Variants in DENND2B observed in about 807,000 individuals in gnomAD.
DENND2B encodes DENN domain-containing protein 2B.
Under a neutral mutation model 116.0 loss-of-function variants are expected in DENND2B, and 32 were observed. The ratio of observed to expected loss-of-function variants is 0.28; its 90% CI spans 0.21 to 0.37. DENND2B has a LOEUF of 0.37. DENND2B is among the 10% of genes least tolerant of loss of function. The pLI, the probability that DENND2B is intolerant of heterozygous loss-of-function variation, is 1.00. For missense variants in DENND2B, 1,276 were observed against 1,477.7 expected (o/e 0.86, Z 2.24); for synonymous variants, 588 against 583.9 (o/e 1.01, Z -0.10).
At chr11:8,743,707 A>G (rs1694076124) in intron 2 of DENND2B, among the ~76,000 whole-genome samples, 1 of 151,840 alleles carries the variant, frequency 6.6e-6, no homozygotes, top group Non-Finnish European at 1.5e-5. Context: ...TCCCATAGCA[A>G]TCTCCCAAGA....
intron 4 of DENND2B, among the ~76,000 whole-genome samples, chr11:8,724,501 C>G (rs917286655): frequency 6.6e-6 from 1 of 152,334 alleles, no homozygotes; most frequent in South Asian, 2.1e-4. Flanking sequence ...GACACGCACA[C>G]TTCACTTGGG....
chr11:8,718,103 C>G lies in DENND2B; in HGVS notation c.1478-211G>C, dbSNP rs190607764. On this transcript the variant is annotated intron_variant, in intron 4 of 19. Transcript: ENST00000313726. ...AAGTCCAGAAGCAGACCCACCCCCCCACCCCCCCCAACCCCCCACCCCCAG... is the reference window on the plus strand; with the variant it reads ...AAGTCCAGAAGCAGACCCACCCCCCGACCCCCCCCAACCCCCCACCCCCAG... The G allele has an allele frequency of 3.2e-4, 84 of 266,126 alleles. 15 individuals carry two copies. The East Asian group carries it at 8.5e-3, about 27-fold the overall frequency. The allele number at this position is 266,126 out of a possible 1,614,324, so 16.5% of individuals were successfully genotyped here.
At chr11:8,835,350 C>T (rs1442703426) in intron 4 of DENND2B, among the ~76,000 whole-genome samples, 1 of 152,202 alleles carries the variant, frequency 6.6e-6, no homozygotes, top group Non-Finnish European at 1.5e-5. Flanking sequence ...TAAAAGCATT[C>T]TCAAGAACAA....
intron 2 of DENND2B, among the ~76,000 whole-genome samples, chr11:8,744,924 ATTTT>A (rs34208987): frequency 6.9e-6 from 1 of 145,684 alleles, no homozygotes; most frequent in Non-Finnish European, 1.5e-5. Flanking sequence ...TCCAGACCTG[ATTTT>A]TTTTTTTTTT....
intron 2 of DENND2B, among the ~76,000 whole-genome samples, chr11:8,869,174 G>T (rs2063687984): frequency 6.6e-6 from 1 of 152,130 alleles, no homozygotes; most frequent in African/African-American, 2.4e-5. Flanking sequence ...ACAAACTCAA[G>T]ACCAAGGATT....
rs80340218 is a variant in DENND2B at position 8,707,729 on chromosome 11, G to A, written c.2430+48C>T. On this transcript the variant is annotated intron_variant, in intron 12 of 19. Coordinates refer to ENST00000313726, the MANE Select transcript of DENND2B (RefSeq NM_213618.2). This position sits in a 1 kb window ranked among gnomAD's most constrained non-coding sequence, Gnocchi z 4.8. ...AAGCTGGCTGCAGATACTCCTGTGGGAGCTGTCAGCTGGGGGACGGGGAGG... is the reference window on the plus strand; with the variant it reads ...AAGCTGGCTGCAGATACTCCTGTGGAAGCTGTCAGCTGGGGGACGGGGAGG... 36,972 of 1,556,188 alleles carry A rather than the reference G, an allele frequency of 0.024. 605 individuals are homozygous for A. Among genetic ancestry groups the A allele is most frequent in the Middle Eastern group, 0.055 (312 of 5,702 alleles).
chr11:8,696,771 TAC>T, intron 17 of DENND2B, 105 bp from the exon 18 acceptor site: 1 of 1,503,176 alleles, frequency 6.7e-7, no homozygotes, highest in East Asian at 2.3e-5. Context: ...TTCCAGCCAG[TAC>T]CACTCTTCTG....
chr11:8,860,961 G>C (rs1256203019), intron 2 of DENND2B, among the ~76,000 whole-genome samples: 1 of 152,144 alleles, frequency 6.6e-6, no homozygotes, highest in Non-Finnish European at 1.5e-5. Flanking sequence ...AATAAATGGT[G>C]CTGGGAAAAC....
intron 19 of DENND2B, among the ~76,000 whole-genome samples, chr11:8,694,887 T>C (rs1005303009): frequency 2.0e-5 from 3 of 152,052 alleles, no homozygotes; most frequent in Admixed American, 2.0e-4. Flanking sequence ...TAGCAAGACA[T>C]CATCTCTACA....
chr11:8,698,403 C>T (rs994642944), intron 16 of DENND2B, among the ~76,000 whole-genome samples: 6 of 152,132 alleles, frequency 3.9e-5, no homozygotes, highest in African/African-American at 1.4e-4. Context: ...TCCTCAGCTC[C>T]GTCATTGGTG....
intron 2 of DENND2B, among the ~76,000 whole-genome samples, chr11:8,744,436 C>T (rs944996006): frequency 2.0e-5 from 3 of 152,028 alleles, no homozygotes; most frequent in African/African-American, 7.2e-5. Context: ...ACCCAGCCAA[C>T]CCATGAAGTT....
intron 5 of DENND2B, 83 bp from the exon 6 acceptor site, chr11:8,715,901 G>A: frequency 7.5e-7 from 1 of 1,330,106 alleles, no homozygotes; most frequent in Non-Finnish European, 1.0e-6. Context: ...GGGACACAGA[G>A]GCCAAGGGCC....
chr11:8,808,357 G>C (rs963716513), intron 1 of DENND2B: 1 of 152,192 alleles, frequency 6.6e-6, no homozygotes, highest in Non-Finnish European at 1.5e-5. Context: ...GTGGGACACA[G>C]GAAAAGCGAC....
At position 8,774,017 on chromosome 11, in the gene DENND2B, C is replaced by T. The variant is rs1172834609; in HGVS notation, c.-25-23292G>A. On this transcript the variant is annotated intron_variant, in intron 1 of 19. Coordinates refer to ENST00000313726, the MANE Select transcript of DENND2B (RefSeq NM_213618.2). ...TATGAAGCTTTGGATGTGTTGCCTA[C>T]CCTCTGTAAGCTTCAGTTTTCTCAT... 4 of 752,588 alleles carry T rather than the reference C, an allele frequency of 5.3e-6. No individual in the cohort carries two copies. In the African/African-American group the frequency reaches 5.7e-5, roughly 11 times the overall value. The allele number at this position is 752,588 out of a possible 1,614,324, so 46.6% of individuals were successfully genotyped here.
intron 1 of DENND2B, among the ~76,000 whole-genome samples, chr11:8,886,078 C>G (rs1180997026): frequency 6.6e-6 from 1 of 152,008 alleles, no homozygotes; most frequent in Non-Finnish European, 1.5e-5. Flanking sequence ...GTAGCTAAGA[C>G]TACAGGTCCA....
Position 8,707,200 on chromosome 11 carries a change from C to T in DENND2B, c.2456G>A (p.Arg819His), listed in dbSNP as rs200107974. ...SKVLDEVERR[R>H]GISAALVYPF... ...ATAGACCAATGCAGCGGAGATCCCA[C>T]GCCGGCGCTCCACCTCATCTAGGAC... Residue 819 changes from arginine (R) to histidine (H), a missense_variant, in exon 13 of 20, where the codon CGT becomes CAT. This residue lies in a region of DENND2B where 420 missense variants were observed against 631.1 expected (regional missense o/e 0.67). Coordinates refer to ENST00000313726, the MANE Select transcript of DENND2B (RefSeq NM_213618.2). This position sits in a 1 kb window ranked among gnomAD's most constrained non-coding sequence, Gnocchi z 4.8. 14 of 1,612,900 alleles carry T rather than the reference C, an allele frequency of 8.7e-6. No homozygotes were observed. Among genetic ancestry groups the T allele is most frequent in the Middle Eastern group, 1.6e-4 (1 of 6,076 alleles).
At chr11:8,837,829 A>T (rs1566036470) in intron 4 of DENND2B, among the ~76,000 whole-genome samples, 1 of 152,206 alleles carries the variant, frequency 6.6e-6, no homozygotes, top group Non-Finnish European at 1.5e-5. Context: ...GGAAGCTACA[A>T]CTTCCAAGGA....
chr11:8,868,541 C>G (rs1401920868), intron 2 of DENND2B, among the ~76,000 whole-genome samples: 2 of 152,210 alleles, frequency 1.3e-5, no homozygotes, highest in East Asian at 3.8e-4. Flanking sequence ...GGAATTCCAG[C>G]TCTGCCACTT....
At chr11:8,892,345 GC>G (rs1226176166) in intron 1 of DENND2B, among the ~76,000 whole-genome samples, 1 of 152,084 alleles carries the variant, frequency 6.6e-6, no homozygotes, top group Non-Finnish European at 1.5e-5. Context: ...AACTAGAAAA[GC>G]AAGAGCAAAC....
Sources: allele counts gnomAD v4.1 joint callset (sites outside exome capture counted in the v4.1 genomes callset), GRCh38; gene constraint gnomAD v4.1.1; regional missense constraint gnomAD v4.1.1; non-coding constraint Gnocchi (gnomAD v3.1); transcripts MANE v1.5; gene names NCBI Gene and HGNC (gene_info 2026-07-23, HGNC 2026-07-21).